Variants in RADIL observed in about 807,000 individuals in gnomAD.
RADIL encodes Rap associating with DIL domain.
A neutral mutation model predicts 97.6 loss-of-function variants in RADIL; 99 were observed. The ratio of observed to expected loss-of-function variants is 1.01; its 90% CI spans 0.86 to 1.20. The LOEUF (loss-of-function observed/expected upper bound fraction) is 1.20, where lower values mean the gene tolerates loss of function less well. Ranked by LOEUF, RADIL falls within the 50% of genes most tolerant of loss-of-function variation. RADIL has a pLI of 0.00. For missense variants in RADIL, 1,765 were observed against 1,498.9 expected, an observed-to-expected ratio of 1.18 and a Z score of -2.93; for synonymous variants, 803 against 691.8, an observed-to-expected ratio of 1.16 and a Z score of -2.52.
Position 4,799,271 on chromosome 7 carries a change from C to G in RADIL, c.*107G>C, listed in dbSNP as rs531619255. The G allele has an allele frequency of 5.6e-6, 6 of 1,079,864 alleles. No individual in the cohort carries two copies. In the Admixed American group the frequency reaches 1.0e-4, roughly 18 times the overall value. 66.9% of individuals were successfully genotyped at this position (1,079,864 alleles called of 1,614,324 possible). On this transcript the variant is annotated 3_prime_UTR_variant, in exon 15 of 15. Coordinates refer to ENST00000399583, the MANE Select transcript of RADIL (RefSeq NM_018059.5). ...TGTCCCCAGGGTGAGGCTCCCCACC[C>G]GGGACCCAACTTGGTCAGTTACAAA...
intron 2 of RADIL, among the ~76,000 whole-genome samples, chr7:4,852,350 C>A (rs919712709): frequency 7.2e-5 from 11 of 152,174 alleles, no homozygotes; most frequent in Admixed American, 5.9e-4. Flanking sequence ...GGCCTTGGAA[C>A]GGAACAAAAG....
chr7:4,847,860 G>A (rs1298846184), intron 2 of RADIL, among the ~76,000 whole-genome samples: 2 of 151,872 alleles, frequency 1.3e-5, no homozygotes, highest in Admixed American at 6.6e-5. Flanking sequence ...TCTGGGGGTG[G>A]GACCGGCTGA....
chr7:4,865,941 C>T, intron 2 of RADIL: 1 of 582,136 alleles, frequency 1.7e-6, no homozygotes, highest in Non-Finnish European at 3.1e-6. Flanking sequence ...AGGTATGTAA[C>T]CTAGGAGCAA....
intron 5 of RADIL, among the ~76,000 whole-genome samples, chr7:4,823,592 G>T (rs1583283441): frequency 6.6e-6 from 1 of 152,322 alleles, no homozygotes; most frequent in Middle Eastern, 3.4e-3. Flanking sequence ...TCCCAGGCCT[G>T]CTGCCTTCCG....
chr7:4,809,919 C>G (rs977051667), intron 9 of RADIL, among the ~76,000 whole-genome samples: 8 of 151,710 alleles, frequency 5.3e-5, no homozygotes, highest in Non-Finnish European at 7.4e-5. Flanking sequence ...GTGGTGTGAT[C>G]TCGGCTCACT....
intron 5 of RADIL, among the ~76,000 whole-genome samples, chr7:4,825,297 G>C (rs1172209711): frequency 6.6e-6 from 1 of 152,176 alleles, no homozygotes; most frequent in Non-Finnish European, 1.5e-5. Context: ...TATCTCCTGC[G>C]GGTGGAGGGA....
intron 2 of RADIL, chr7:4,865,906 T>C: frequency 1.6e-6 from 1 of 623,690 alleles, no homozygotes; most frequent in African/African-American, 1.8e-5. Context: ...ACCTTTAGCA[T>C]TCAGTATACA....
chr7:4,866,642 C>G (rs1784137326), intron 2 of RADIL, among the ~76,000 whole-genome samples: 1 of 152,192 alleles, frequency 6.6e-6, no homozygotes, highest in Admixed American at 6.5e-5. Context: ...ATTCCTATAA[C>G]ACTCCACTCC....
intron 1 of RADIL, chr7:4,882,166 G>C (rs1256561879): frequency 6.6e-6 from 1 of 152,238 alleles, no homozygotes; most frequent in East Asian, 1.9e-4. Context: ...TCCTCCCTTG[G>C]CCAGACCAGA....
rs1047988440 is a variant in RADIL at position 4,878,187 on chromosome 7, T to A, written c.-48A>T. On this transcript the variant is annotated 5_prime_UTR_variant, in exon 2 of 15. Coordinates refer to ENST00000399583, the MANE Select transcript of RADIL (RefSeq NM_018059.5). This position sits in a 1 kb window ranked among gnomAD's most constrained non-coding sequence, Gnocchi z 4.1. ...AGGACTGTGGGCTTCAGCCAAAGGA[T>A]GTGGGGAGGCCGTGACCTGGGTGAA... 4 of 1,471,246 alleles carry A rather than the reference T, an allele frequency of 2.7e-6. No individual in the cohort carries two copies. Among genetic ancestry groups the A allele is most frequent in the African/African-American group, 2.8e-5 (2 of 70,542 alleles). 91.1% of individuals were successfully genotyped at this position (1,471,246 alleles called of 1,614,324 possible). A position where few individuals can be genotyped will look rare whatever the true frequency, so the allele number is the denominator to read the frequency against.
chr7:4,802,934 C>T (rs1257428566), intron 11 of RADIL, among the ~76,000 whole-genome samples: 1 of 117,056 alleles, frequency 8.5e-6, no homozygotes, highest in Non-Finnish European at 1.7e-5. Flanking sequence ...GGGTCCCCTC[C>T]CCGGGCACCT....
rs1449520219 is a variant in RADIL, at chr7:4,867,837, A to G, written c.535+9768T>C. Among the ~76,000 whole-genome samples the G allele has an allele frequency of 1.3e-5, 2 of 152,160 alleles. No homozygotes were observed. The highest frequency in any genetic ancestry group is 2.9e-5 in the Non-Finnish European group (2 of 68,028). Reference sequence around the variant, plus strand: ...GGTTCCCAAGGACAATGACAATGAAAAAAGAAAATGATCCTATCCATCCAC... The same window carrying G: ...GGTTCCCAAGGACAATGACAATGAAGAAAGAAAATGATCCTATCCATCCAC... On this transcript the variant is annotated intron_variant, in intron 2 of 14. Coordinates refer to ENST00000399583, the MANE Select transcript of RADIL (RefSeq NM_018059.5). The surrounding 1 kb of genome is among the most constrained non-coding windows in gnomAD (Gnocchi z 4.1).
chr7:4,801,402 ACT>A (rs934950295), intron 12 of RADIL, among the ~76,000 whole-genome samples: 9 of 151,020 alleles, frequency 6.0e-5, no homozygotes, highest in African/African-American at 2.2e-4. Context: ...CACTTTCTAG[ACT>A]CTCTCCCTCC....
At chr7:4,841,926 T>C (rs569719909) in intron 2 of RADIL, among the ~76,000 whole-genome samples, 6 of 152,056 alleles carry the variant, frequency 3.9e-5, no homozygotes, top group Non-Finnish European at 1.5e-5. Context: ...TGTGGTGGTG[T>C]GTGCCTGCAG....
chr7:4,809,669 ATTTAT>A (rs761236487), intron 9 of RADIL: 15 of 946,054 alleles, frequency 1.6e-5, no homozygotes, highest in Admixed American at 1.2e-4. Context: ...TTATTTATTT[ATTTAT>A]TTTATTTTAT....
chr7:4,861,448 T>G (rs1381040057), intron 2 of RADIL: 9 of 1,614,044 alleles, frequency 5.6e-6, no homozygotes, highest in Non-Finnish European at 7.6e-6. Context: ...CATGACTTGG[T>G]GCAACGCACA....
chr7:4,830,914 G>A (rs561020527), intron 5 of RADIL, among the ~76,000 whole-genome samples: 45 of 152,164 alleles, frequency 3.0e-4, no homozygotes, highest in African/African-American at 9.4e-4. Flanking sequence ...CCAGCTACTC[G>A]GGAGGCTGAG....
At chr7:4,808,511 C>A (rs987628582) in intron 9 of RADIL, 1 of 922,454 alleles carries the variant, frequency 1.1e-6, no homozygotes, top group Non-Finnish European at 1.3e-6. Context: ...ATGGTTTTCA[C>A]GTTTTTAAAG....
intron 2 of RADIL, among the ~76,000 whole-genome samples, chr7:4,862,965 T>G (rs1326591343): frequency 1.3e-5 from 2 of 152,170 alleles, no homozygotes; most frequent in African/African-American, 4.8e-5. Flanking sequence ...GGATACACTA[T>G]GATTCCCGAA....
Sources: allele counts gnomAD v4.1 joint callset (sites outside exome capture counted in the v4.1 genomes callset), GRCh38; gene constraint gnomAD v4.1.1; non-coding constraint Gnocchi (gnomAD v3.1); transcripts MANE v1.5; gene names NCBI Gene and HGNC (gene_info 2026-07-23, HGNC 2026-07-21).